GOLGA5: variants seen among roughly 807,000 people sequenced by gnomAD.
The protein encoded by GOLGA5 is golgin A5.
A neutral mutation model predicts 93.5 loss-of-function variants in GOLGA5; 50 were observed. That is an observed-to-expected ratio of 0.53 (90% CI 0.43 to 0.68). The LOEUF (loss-of-function observed/expected upper bound fraction) is 0.68, where lower values mean the gene tolerates loss of function less well. Among genes scored for constraint, GOLGA5 ranks in the 30% least tolerant of loss-of-function variants. The pLI, the probability that GOLGA5 is intolerant of heterozygous loss-of-function variation, is 0.00. For missense variants in GOLGA5, 760 were observed against 856.4 expected (o/e 0.89, Z 1.40); for synonymous variants, 312 against 304.5 (o/e 1.02, Z -0.26).
intron 12 of GOLGA5, among the ~76,000 whole-genome samples, chr14:92,838,069 T>G (rs1290700319): frequency 6.6e-6 from 1 of 152,248 alleles, no homozygotes; most frequent in African/African-American, 2.4e-5. Flanking sequence ...TTTTTTATCT[T>G]GACGTTGTAA....
chr14:92,827,027 G>A (rs1196639828), intron 9 of GOLGA5, among the ~76,000 whole-genome samples: 1 of 152,068 alleles, frequency 6.6e-6, no homozygotes, highest in Non-Finnish European at 1.5e-5. Context: ...CACAGATTGG[G>A]AAATAATATT....
chr14:92,808,479 AT>A (rs966449470), intron 3 of GOLGA5, among the ~76,000 whole-genome samples: 1 of 151,084 alleles, frequency 6.6e-6, no homozygotes, highest in African/African-American at 2.4e-5. Flanking sequence ...ACAAAAATCA[AT>A]TTTTTTTTGT....
chr14:92,838,866 A>G (rs531176353), intron 12 of GOLGA5, among the ~76,000 whole-genome samples: 27 of 152,184 alleles, frequency 1.8e-4, no homozygotes, highest in African/African-American at 6.3e-4. Flanking sequence ...TAGTGATGGA[A>G]TCTCGTATCA....
intron 6 of GOLGA5, among the ~76,000 whole-genome samples, chr14:92,812,730 G>A (rs1385709602): frequency 6.6e-6 from 1 of 152,080 alleles, no homozygotes; most frequent in Non-Finnish European, 1.5e-5. Context: ...TGCCTTCTAT[G>A]CTATTCACAT....
chr14:92,836,087 G>T (rs1885635583), intron 11 of GOLGA5, among the ~76,000 whole-genome samples: 1 of 151,802 alleles, frequency 6.6e-6, no homozygotes, highest in Non-Finnish European at 1.5e-5. Context: ...ACTATATATA[G>T]CTGAACAGCA....
At chr14:92,799,271 G>GA (rs1566951947) in intron 2 of GOLGA5, among the ~76,000 whole-genome samples, 1 of 142,522 alleles carries the variant, frequency 7.0e-6, no homozygotes, top group Non-Finnish European at 1.5e-5. Flanking sequence ...TGGCCATAGG[G>GA]ATTTTTTTTT....
At chr14:92,802,239 A>G (rs1305448781) in intron 2 of GOLGA5, among the ~76,000 whole-genome samples, 1 of 152,124 alleles carries the variant, frequency 6.6e-6, no homozygotes, top group Non-Finnish European at 1.5e-5. Context: ...TATATACTTT[A>G]TGTTAGATTT....
chr14:92,835,398 A>G (rs1378685225), intron 10 of GOLGA5, among the ~76,000 whole-genome samples, 161 bp from the exon 11 acceptor site: 1 of 152,174 alleles, frequency 6.6e-6, no homozygotes, highest in Non-Finnish European at 1.5e-5. Flanking sequence ...TTATGTCATC[A>G]AATTTACCTG....
intron 2 of GOLGA5, among the ~76,000 whole-genome samples, chr14:92,801,040 C>T (rs1053460611): frequency 1.3e-5 from 2 of 152,190 alleles, no homozygotes; most frequent in African/African-American, 4.8e-5. Flanking sequence ...TCTCTGGCCT[C>T]TTAGCCCATT....
intron 3 of GOLGA5, among the ~76,000 whole-genome samples, chr14:92,807,472 A>C (rs996041549): frequency 1.3e-5 from 2 of 152,196 alleles, no homozygotes; most frequent in African/African-American, 2.4e-5. Context: ...CCAACCCAAA[A>C]CATAAGAGTA....
In GOLGA5 at chr14:92,797,594, A is replaced by C; in HGVS notation, c.157A>C (p.Ile53Leu). The change falls in exon 2 of 13, where the codon ATA becomes CTA. Residue 53 changes from isoleucine to leucine, a missense_variant. Physicochemically the swap from Ile to Leu is conservative, Grantham distance 5. Transcript: ENST00000163416. Reference protein sequence around the residue: ...TELHQQNTDLIYQTGPKSTYI... With the variant: ...TELHQQNTDLLYQTGPKSTYI... Reference sequence around the variant, plus strand: ...ACTTCACCAGCAAAATACAGATTTGATATATCAGACTGGACCTAAATCTAC... The same window carrying C: ...ACTTCACCAGCAAAATACAGATTTGCTATATCAGACTGGACCTAAATCTAC... The C allele has an allele frequency of 6.2e-7, 1 of 1,613,688 alleles. No individual in the cohort carries two copies. Among genetic ancestry groups the C allele is most frequent in the Non-Finnish European group, 8.5e-7 (1 of 1,179,584 alleles).
At chr14:92,805,282 T>G (rs1258362980) in intron 2 of GOLGA5, among the ~76,000 whole-genome samples, 1 of 152,200 alleles carries the variant, frequency 6.6e-6, no homozygotes, top group Non-Finnish European at 1.5e-5. Flanking sequence ...CTAATCTGGC[T>G]TCTTTTACTG....
In GOLGA5 at chr14:92,813,128, C is replaced by CT. The variant is rs530863728; in HGVS notation, c.1320+1381dup. Reference sequence around the variant, plus strand: ...TCAAACTTCTAATGGCTATGAATACCTTTTTTTAATGCTACTTCCATGAAG... The same window carrying CT: ...TCAAACTTCTAATGGCTATGAATACCTTTTTTTTAATGCTACTTCCATGAAG... On this transcript the variant is annotated intron_variant, in intron 6 of 12. Transcript: ENST00000163416. Among the ~76,000 whole-genome samples, 731 of 152,206 alleles carry CT rather than the reference C, an allele frequency of 4.8e-3. 4 individuals are homozygous for CT. The highest frequency in any genetic ancestry group is 8.5e-3 in the Non-Finnish European group (578 of 68,008).
chr14:92,814,669 C>T (rs1279913205), intron 6 of GOLGA5, among the ~76,000 whole-genome samples: 1 of 151,898 alleles, frequency 6.6e-6, no homozygotes, highest in East Asian at 1.9e-4. Flanking sequence ...ACCCATAATC[C>T]TACCACCCAG....
At chr14:92,819,241 G>C (rs1487386094) in intron 7 of GOLGA5, among the ~76,000 whole-genome samples, 1 of 152,122 alleles carries the variant, frequency 6.6e-6, no homozygotes, top group Non-Finnish European at 1.5e-5. Context: ...TCATTCTGCT[G>C]TTAGCCATAG....
intron 9 of GOLGA5, among the ~76,000 whole-genome samples, chr14:92,829,340 A>G (rs1271711924): frequency 1.3e-5 from 2 of 152,048 alleles, no homozygotes; most frequent in Non-Finnish European, 2.9e-5. Flanking sequence ...AGGCACAGTC[A>G]ATTGAGAACC....
intron 8 of GOLGA5, among the ~76,000 whole-genome samples, chr14:92,823,288 G>A (rs955043348): frequency 1.3e-5 from 2 of 151,890 alleles, no homozygotes; most frequent in Admixed American, 6.6e-5. Flanking sequence ...CTGGACTTTT[G>A]TTCTCTTCCA....
chr14:92,823,857 G>T (rs183489415), intron 8 of GOLGA5, among the ~76,000 whole-genome samples: 3 of 152,002 alleles, frequency 2.0e-5, no homozygotes, highest in Admixed American at 1.3e-4. Context: ...TTATGATGTT[G>T]TATTCCTAAG....
chr14:92,826,402 G>C (rs533820703), intron 9 of GOLGA5, among the ~76,000 whole-genome samples: 24 of 151,950 alleles, frequency 1.6e-4, no homozygotes, highest in African/African-American at 4.3e-4. Context: ...AAAAAAATAG[G>C]TTGCCAGTTT....
Sources: allele counts gnomAD v4.1 joint callset (sites outside exome capture counted in the v4.1 genomes callset), GRCh38; gene constraint gnomAD v4.1.1; transcripts MANE v1.5; gene names NCBI Gene and HGNC (gene_info 2026-07-23, HGNC 2026-07-21).